The following TTC23 variants were observed in gnomAD, a reference collection of about 807,000 sequenced individuals.
TTC23 encodes tetratricopeptide repeat domain 23.
In TTC23, 58 loss-of-function variants were observed where a neutral mutation model predicts 55.1. That is an observed-to-expected ratio of 1.05 (90% CI 0.85 to 1.31). TTC23 has a LOEUF of 1.31. TTC23 is among the 50% of genes most tolerant of loss of function. The probability of loss-of-function intolerance (pLI) is 0.00; values close to 1 mark genes in which losing one functional copy is unlikely to be tolerated. For missense variants in TTC23, 516 were observed against 534.4 expected, an observed-to-expected ratio of 0.97 and a Z score of 0.34; for synonymous variants, 203 against 199.9, an observed-to-expected ratio of 1.02 and a Z score of -0.13.
intron 12 of TTC23, among the ~76,000 whole-genome samples, chr15:99,147,353 G>C: frequency 6.6e-6 from 1 of 151,186 alleles, no homozygotes; most frequent in East Asian, 2.0e-4. Flanking sequence ...AGCCTCCCGA[G>C]TAGCTGGGAC....
chr15:99,205,687 T>C (rs928653695), intron 8 of TTC23, among the ~76,000 whole-genome samples: 4 of 152,130 alleles, frequency 2.6e-5, no homozygotes, highest in Non-Finnish European at 5.9e-5. Flanking sequence ...AATTTGTTGA[T>C]CAGTTCTCAT....
At chr15:99,214,852 C>CTT (rs777804106) in intron 8 of TTC23, among the ~76,000 whole-genome samples, 2,737 of 99,868 alleles carry the variant, frequency 0.027, 156 homozygotes, top group Middle Eastern at 0.043. Flanking sequence ...TTCTTTTCTC[C>CTT]TTTTTTTTTT....
intron 5 of TTC23, among the ~76,000 whole-genome samples, chr15:99,222,376 G>C (rs942071440): frequency 6.6e-6 from 1 of 152,078 alleles, no homozygotes; most frequent in African/African-American, 2.4e-5. Flanking sequence ...CAGGGGGCTC[G>C]AGCAATCCTC....
chr15:99,203,052 T>G (rs990823257), intron 8 of TTC23, among the ~76,000 whole-genome samples: 3 of 152,148 alleles, frequency 2.0e-5, no homozygotes, highest in Non-Finnish European at 1.5e-5. Flanking sequence ...TGAAATGGGC[T>G]CAATTGTGAT....
chr15:99,195,778 T>A (rs1224895106), intron 9 of TTC23, among the ~76,000 whole-genome samples: 6 of 151,726 alleles, frequency 4.0e-5, no homozygotes, highest in Admixed American at 3.3e-4. Flanking sequence ...AACAAATGTA[T>A]GACTCTGGTG....
Position 99,228,528 on chromosome 15 carries a change from C to G in TTC23, c.180+5G>C. 1 of 1,601,026 alleles carries G rather than the reference C, an allele frequency of 6.2e-7. No individual in the cohort carries two copies. Among genetic ancestry groups the G allele is most frequent in the Non-Finnish European group, 8.5e-7 (1 of 1,173,106 alleles). ...GTAGAAATACAGAAACAAAAGTCTC[C>G]TTACCTCATGACTGTTGGAATAGGA... is the stretch of plus-strand genomic sequence containing the variant. On this transcript the variant is annotated splice_donor_5th_base_variant and intron_variant, in intron 5 of 13. Coordinates refer to ENST00000394132, the MANE Select transcript of TTC23 (RefSeq NM_001288615.3).
chr15:99,167,143 C>T (rs1378393933), intron 10 of TTC23, among the ~76,000 whole-genome samples: 1 of 151,726 alleles, frequency 6.6e-6, no homozygotes, highest in Non-Finnish European at 1.5e-5. Flanking sequence ...CAATGGACAT[C>T]CCAGTCTATC....
chr15:99,248,141 A>G (rs1597095736), intron 1 of TTC23: 1 of 152,200 alleles, frequency 6.6e-6, no homozygotes, highest in East Asian at 1.9e-4. Flanking sequence ...TATATTATTC[A>G]ACAATGATAA....
chr15:99,145,047 G>A (rs2151843503), intron 12 of TTC23: 1 of 152,340 alleles, frequency 6.6e-6, no homozygotes. Context: ...AGGCAGAAAT[G>A]ACTAACTTGG....
chr15:99,235,319 T>C (rs1463924536), intron 3 of TTC23, among the ~76,000 whole-genome samples: 7 of 151,870 alleles, frequency 4.6e-5, no homozygotes. Context: ...TTTTAACCTT[T>C]TCATTTTTTT....
At chr15:99,214,265 T>C (rs1236004115) in intron 8 of TTC23, among the ~76,000 whole-genome samples, 1 of 151,818 alleles carries the variant, frequency 6.6e-6, no homozygotes, top group African/African-American at 2.4e-5. Flanking sequence ...CCCAGCACTT[T>C]GGGAGGCCGA....
intron 8 of TTC23, among the ~76,000 whole-genome samples, chr15:99,200,323 C>T (rs947427146): frequency 5.9e-5 from 9 of 152,122 alleles, no homozygotes; most frequent in East Asian, 1.9e-4. Context: ...ACTAGATGTA[C>T]GATCTTCCAG....
In TTC23 at chr15:99,189,955, T is replaced by C. The variant is rs28896303; in HGVS notation, c.759+9964A>G. The stretch of plus-strand genomic sequence containing the variant: ...ACTTTGGGAGGCTGAAGTGGGTGGA[T>C]TGCTTGAGCCCAAGAGTTTGAAACC... On this transcript the variant is annotated intron_variant, in intron 9 of 13. Coordinates refer to ENST00000394132, the MANE Select transcript of TTC23 (RefSeq NM_001288615.3). Among the ~76,000 whole-genome samples the C allele has an allele frequency of 7.5e-3, 1,144 of 152,178 alleles. 15 individuals are homozygous for C. Among genetic ancestry groups the C allele is most frequent in the African/African-American group, 0.025 (1,019 of 41,504 alleles).
At chr15:99,228,923 T>C (rs1407501210) in intron 4 of TTC23, among the ~76,000 whole-genome samples, 191 bp from the exon 5 acceptor site, 7 of 135,382 alleles carry the variant, frequency 5.2e-5, no homozygotes, top group Non-Finnish European at 9.7e-5. Context: ...TTTATGTATA[T>C]AGACATACAT....
intron 8 of TTC23, among the ~76,000 whole-genome samples, chr15:99,213,067 G>GACGA (rs2077176349): frequency 6.8e-6 from 1 of 147,492 alleles, no homozygotes; most frequent in African/African-American, 2.5e-5. Context: ...CCACTTCCAA[G>GACGA]ACCTGGCAAA....
At chr15:99,183,088 T>C (rs1238036264) in intron 9 of TTC23, among the ~76,000 whole-genome samples, 1 of 152,228 alleles carries the variant, frequency 6.6e-6, no homozygotes, top group Non-Finnish European at 1.5e-5. Flanking sequence ...GTTTGGAACT[T>C]CCTAAAGACT....
chr15:99,156,144 T>C lies in TTC23; in HGVS notation c.1143+4A>G, dbSNP rs758420375. 1.2e-6 allele frequency: 2 copies of C among 1,614,180 alleles called. No individual in the cohort carries two copies. Among genetic ancestry groups the C allele is most frequent in the Non-Finnish European group, 1.7e-6 (2 of 1,180,016 alleles). ...TCTCGTGTTAGTACTGGTTCCAGCT[T>C]TACCTTCTTCAGTTTCTTGCGGGCC... On this transcript the variant is annotated splice_donor_region_variant and intron_variant, in intron 12 of 13. Coordinates refer to ENST00000394132, the MANE Select transcript of TTC23 (RefSeq NM_001288615.3).
At chr15:99,204,514 C>T (rs1003311978) in intron 8 of TTC23, among the ~76,000 whole-genome samples, 1 of 151,056 alleles carries the variant, frequency 6.6e-6, no homozygotes, top group African/African-American at 2.4e-5. Flanking sequence ...TCCAGTTTTG[C>T]TTTGGTTGCC....
intron 9 of TTC23, among the ~76,000 whole-genome samples, chr15:99,190,042 G>T (rs1315016041): frequency 1.3e-5 from 2 of 152,046 alleles, no homozygotes; most frequent in African/African-American, 4.8e-5. Flanking sequence ...TTAGCTGGGT[G>T]TGGCAGTGCA....
Sources: allele counts gnomAD v4.1 joint callset (sites outside exome capture counted in the v4.1 genomes callset), GRCh38; gene constraint gnomAD v4.1.1; transcripts MANE v1.5; gene names NCBI Gene and HGNC (gene_info 2026-07-23, HGNC 2026-07-21).